The following AGBL4 variants were observed in gnomAD, a reference collection of about 807,000 sequenced individuals.
AGBL4 encodes AGBL carboxypeptidase 4, also known as cytosolic carboxypeptidase 6.
Under a neutral mutation model 66.4 loss-of-function variants are expected in AGBL4, and 58 were observed. That is an observed-to-expected ratio of 0.87 (90% CI 0.71 to 1.09). AGBL4 has a LOEUF of 1.09. AGBL4 is among the 50% of genes least tolerant of loss of function. The pLI, the probability that AGBL4 is intolerant of heterozygous loss-of-function variation, is 0.00. For synonymous variants in AGBL4, 234 were observed against 222.9 expected, an observed-to-expected ratio of 1.05 and a Z score of -0.44; for missense variants, 579 against 631.0, an observed-to-expected ratio of 0.92 and a Z score of 0.88.
chr1:48,723,851 T>TAA (rs10700539), intron 6 of AGBL4, among the ~76,000 whole-genome samples: 2,219 of 152,174 alleles, frequency 0.015, 21 homozygotes, highest in Non-Finnish European at 0.023. Context: ...AACAGAAAAA[T>TAA]CTTCATCTGG....
intron 3 of AGBL4, among the ~76,000 whole-genome samples, chr1:49,298,151 A>C (rs1311312746): frequency 6.6e-6 from 1 of 152,226 alleles, no homozygotes; most frequent in East Asian, 1.9e-4. Flanking sequence ...GCCCTGTCAG[A>C]AGAAGTCGAC....
chr1:49,846,521 T>A (rs1266448391), intron 2 of AGBL4: 28 of 695,502 alleles, frequency 4.0e-5, no homozygotes, highest in Admixed American at 6.2e-5. Flanking sequence ...GGAAACAGAC[T>A]AATACAAAAG....
intron 1 of AGBL4, among the ~76,000 whole-genome samples, chr1:49,912,063 C>T (rs1650892409): frequency 6.6e-6 from 1 of 152,200 alleles, no homozygotes; most frequent in Non-Finnish European, 1.5e-5. Flanking sequence ...GGAACTATTC[C>T]ATCTGCGCTA....
chr1:49,788,057 CA>C (rs1400518683), intron 2 of AGBL4, among the ~76,000 whole-genome samples: 4 of 152,174 alleles, frequency 2.6e-5, no homozygotes, highest in Admixed American at 6.5e-5. Flanking sequence ...GCCGGTCACA[CA>C]AAAAGGATCT....
chr1:49,271,711 T>C (rs1472134372), intron 3 of AGBL4, among the ~76,000 whole-genome samples: 2 of 152,158 alleles, frequency 1.3e-5, no homozygotes, highest in African/African-American at 4.8e-5. Context: ...TATTCCTCCC[T>C]ACCCCTCCTT....
intron 3 of AGBL4, among the ~76,000 whole-genome samples, chr1:49,546,367 A>ATT (rs1468792655): frequency 6.6e-6 from 1 of 151,174 alleles, no homozygotes; most frequent in Non-Finnish European, 1.5e-5. Flanking sequence ...ATATTCCATC[A>ATT]TTATATATAT....
intron 3 of AGBL4, among the ~76,000 whole-genome samples, chr1:49,602,691 C>T (rs928365595): frequency 7.3e-5 from 11 of 150,628 alleles, no homozygotes; most frequent in Non-Finnish European, 1.5e-4. Context: ...GGGGCCTGTT[C>T]GTGGGGTTGG....
At chr1:49,379,204 G>A (rs543086439) in intron 3 of AGBL4, among the ~76,000 whole-genome samples, 3 of 152,216 alleles carry the variant, frequency 2.0e-5, no homozygotes, top group South Asian at 4.1e-4. Context: ...CTGCCTTGAT[G>A]ATGTCATCCC....
In AGBL4 at chr1:49,921,189, T is replaced by C. The variant is rs12076132; in HGVS notation, c.35-69671A>G. ...CACCAACATGGCACATGTATACATA[T>C]GTAACAAACCTGCACGTTGTGCACA... On this transcript the variant is annotated intron_variant, in intron 1 of 13. Transcript: ENST00000371839. Among the ~76,000 whole-genome samples, 295 of 151,856 alleles carry C rather than the reference T, an allele frequency of 1.9e-3. 4 individuals are homozygous for C. The highest frequency in any genetic ancestry group is 6.7e-3 in the African/African-American group (276 of 41,362).
intron 1 of AGBL4, among the ~76,000 whole-genome samples, chr1:49,945,553 C>T (rs1206945140): frequency 6.6e-6 from 1 of 152,040 alleles, no homozygotes; most frequent in East Asian, 1.9e-4. Flanking sequence ...ACTACAAGAA[C>T]TGCTAAAAAG....
At chr1:49,759,478 C>T (rs1015840430) in intron 2 of AGBL4, among the ~76,000 whole-genome samples, 1 of 152,006 alleles carries the variant, frequency 6.6e-6, no homozygotes, top group Non-Finnish European at 1.5e-5. Flanking sequence ...TGCATAAGAC[C>T]CTGAGACAGA....
chr1:48,597,489 G>A (rs1645010504), intron 9 of AGBL4, among the ~76,000 whole-genome samples: 1 of 152,116 alleles, frequency 6.6e-6, no homozygotes, highest in Admixed American at 6.5e-5. Context: ...TTTAGGTAGT[G>A]TGATCAGGGA....
chr1:49,089,281 G>A (rs1194649608), intron 4 of AGBL4, among the ~76,000 whole-genome samples: 2 of 147,664 alleles, frequency 1.4e-5, no homozygotes, highest in African/African-American at 5.0e-5. Flanking sequence ...ATTGAGATGG[G>A]AAAAAAAAAC....
intron 3 of AGBL4, among the ~76,000 whole-genome samples, chr1:49,517,428 G>T (rs1038922956): frequency 6.6e-6 from 1 of 151,834 alleles, no homozygotes; most frequent in South Asian, 2.1e-4. Context: ...CCACCATAAT[G>T]TCTTACTGTT....
chr1:49,435,413 A>C (rs1361358782), intron 3 of AGBL4, among the ~76,000 whole-genome samples: 2 of 152,216 alleles, frequency 1.3e-5, no homozygotes, highest in Non-Finnish European at 2.9e-5. Context: ...TATTCCCAGC[A>C]TCCAGTATAG....
At chr1:49,927,597 T>G (rs1190520071) in intron 1 of AGBL4, among the ~76,000 whole-genome samples, 1 of 152,000 alleles carries the variant, frequency 6.6e-6, no homozygotes, top group East Asian at 1.9e-4. Flanking sequence ...ATTATGGGGA[T>G]TACAATTCAA....
At chr1:49,260,159 T>C (rs1408544454) in intron 3 of AGBL4, among the ~76,000 whole-genome samples, 8 of 149,890 alleles carry the variant, frequency 5.3e-5, no homozygotes, top group Non-Finnish European at 1.2e-4. Context: ...TTCAAAGCAG[T>C]GTGTAGAGGG....
chr1:49,222,277 C>T (rs917605740), intron 4 of AGBL4, among the ~76,000 whole-genome samples: 15 of 146,940 alleles, frequency 1.0e-4, no homozygotes, highest in African/African-American at 3.5e-4. Flanking sequence ...CCAAAGAATA[C>T]AACTTAAAAA....
chr1:48,718,207 C>T (rs1557900873), intron 6 of AGBL4, among the ~76,000 whole-genome samples: 2 of 152,222 alleles, frequency 1.3e-5, no homozygotes, highest in Non-Finnish European at 2.9e-5. Context: ...GATTGGCCAA[C>T]ACTGGAAATC....
Sources: gnomAD v4.1 joint callset for allele counts (sites outside exome capture counted in the v4.1 genomes callset) on GRCh38, gnomAD v4.1.1 for gene constraint, MANE v1.5 for transcripts, NCBI Gene and HGNC (gene_info 2026-07-23, HGNC 2026-07-21) for gene names.